UCK2: variants seen among roughly 807,000 people sequenced by gnomAD.
The protein encoded by UCK2 is cytidine monophosphokinase 2.
A neutral mutation model predicts 30.8 loss-of-function variants in UCK2; 6 were observed. The ratio of observed to expected loss-of-function variants is 0.19; its 90% CI spans 0.11 to 0.38. UCK2 has a LOEUF of 0.38. UCK2 is among the 10% of genes least tolerant of loss of function. UCK2 has a pLI of 1.00. For missense variants in UCK2, 210 were observed against 339.8 expected, an observed-to-expected ratio of 0.62 and a Z score of 3.00; for synonymous variants, 125 against 133.6, an observed-to-expected ratio of 0.94 and a Z score of 0.45.
chr1:165,878,151 C>T (rs960733402), intron 1 of UCK2, among the ~76,000 whole-genome samples: 1 of 152,156 alleles, frequency 6.6e-6, no homozygotes, highest in African/African-American at 2.4e-5. Flanking sequence ...CCTGCCTTTC[C>T]CCTAACCCCT....
intron 1 of UCK2, among the ~76,000 whole-genome samples, chr1:165,834,163 G>A (rs926555910): frequency 1.3e-5 from 2 of 152,124 alleles, no homozygotes; most frequent in Non-Finnish European, 2.9e-5. Context: ...TGAAGGTTTT[G>A]TTCTAAGTTT....
chr1:165,880,570 T>G (rs1387506338), intron 1 of UCK2, among the ~76,000 whole-genome samples: 5 of 14,208 alleles, frequency 3.5e-4, no homozygotes, highest in African/African-American at 7.7e-4. Context: ...TTTGGGGGTG[T>G]GTGTGTGTGT....
intron 1 of UCK2, among the ~76,000 whole-genome samples, chr1:165,873,863 C>G (rs1318007152): frequency 6.6e-6 from 1 of 152,164 alleles, no homozygotes; most frequent in Non-Finnish European, 1.5e-5. Flanking sequence ...AGCTTTGGAT[C>G]TCACATCACC....
chr1:165,864,408 A>G (rs1041719292), intron 1 of UCK2, among the ~76,000 whole-genome samples: 6 of 152,096 alleles, frequency 3.9e-5, no homozygotes, highest in African/African-American at 1.4e-4. Flanking sequence ...TGTTTTATTA[A>G]TTATTTTTAT....
intron 1 of UCK2, among the ~76,000 whole-genome samples, chr1:165,842,123 G>A (rs1391257753): frequency 6.6e-6 from 1 of 152,108 alleles, no homozygotes; most frequent in Non-Finnish European, 1.5e-5. Context: ...TGTCCTCTGG[G>A]AAACTTTTCT....
chr1:165,890,548 C>T (rs1655740174), intron 2 of UCK2, among the ~76,000 whole-genome samples, 185 bp downstream of exon 2: 1 of 152,184 alleles, frequency 6.6e-6, no homozygotes. Flanking sequence ...TCAAATGCTT[C>T]AAGTAGTGCT....
chr1:165,880,404 A>G (rs1655455323), intron 1 of UCK2, among the ~76,000 whole-genome samples: 1 of 152,162 alleles, frequency 6.6e-6, no homozygotes. Flanking sequence ...ACGCTCAAGT[A>G]AAAGGGGAAA....
intron 1 of UCK2, among the ~76,000 whole-genome samples, chr1:165,887,806 G>T (rs1234920227): frequency 6.6e-6 from 1 of 151,686 alleles, no homozygotes; most frequent in African/African-American, 2.4e-5. Flanking sequence ...CACCCAGAGA[G>T]CCTTGGTTTT....
At position 165,897,545 on chromosome 1, in the gene UCK2, A is replaced by C. The variant is rs546460986; in HGVS notation, c.499+1213A>C. Among the ~76,000 whole-genome samples, 25 of 152,342 alleles carry C rather than the reference A, an allele frequency of 1.6e-4. 1 individual carries two copies. Among genetic ancestry groups the C allele is most frequent in the Admixed American group, 1.5e-3 (23 of 15,300 alleles). Reference sequence around the variant, plus strand: ...TTGTGTGACAGAGGCAGGGAGACACAGGAAATGACGAGGTTAGCTCCTAGT... The same window carrying C: ...TTGTGTGACAGAGGCAGGGAGACACCGGAAATGACGAGGTTAGCTCCTAGT... On this transcript the variant is annotated intron_variant, in intron 4 of 6. Transcript: ENST00000367879.
At chr1:165,898,784 A>G (rs1300628943) in intron 4 of UCK2, among the ~76,000 whole-genome samples, 1 of 152,230 alleles carries the variant, frequency 6.6e-6, no homozygotes, top group Non-Finnish European at 1.5e-5. Context: ...AGCAATTCCT[A>G]CAATGGTGCT....
intron 1 of UCK2, among the ~76,000 whole-genome samples, chr1:165,836,357 A>G (rs1476785361): frequency 6.6e-6 from 1 of 152,364 alleles, no homozygotes; most frequent in Admixed American, 6.5e-5. Context: ...TTACTATTTA[A>G]TACTAGAATA....
chr1:165,874,443 T>C (rs1655282617), intron 1 of UCK2, among the ~76,000 whole-genome samples: 1 of 152,206 alleles, frequency 6.6e-6, no homozygotes, highest in South Asian at 2.1e-4. Flanking sequence ...TGCTACCTTT[T>C]GTAAAAAACA....
Position 165,896,483 on chromosome 1 carries a change from A to T in UCK2, c.499+151A>T, listed in dbSNP as rs1463513102. The T allele has an allele frequency of 7.2e-6, 6 of 829,602 alleles. No individual in the cohort carries two copies. The East Asian group carries it at 1.5e-4, about 20-fold the overall frequency. 51.4% of individuals were successfully genotyped at this position (829,602 alleles called of 1,614,324 possible). ...TCGCATGGTCCAGCCCGGCTGCGTC[A>T]GTCCAGCCCCAGGATATCCTGCTGC... On this transcript the variant is annotated intron_variant, in intron 4 of 6. Coordinates refer to ENST00000367879, the MANE Select transcript of UCK2 (RefSeq NM_012474.5).
At chr1:165,837,159 TCAA>T (rs1326926496) in intron 1 of UCK2, among the ~76,000 whole-genome samples, 6 of 152,202 alleles carry the variant, frequency 3.9e-5, no homozygotes, top group African/African-American at 1.4e-4. Flanking sequence ...ACATTGGGCA[TCAA>T]GTTTTCAACA....
At chr1:165,890,410 G>A in intron 2 of UCK2, 47 bp downstream of exon 2, 1 of 1,457,898 alleles carries the variant, frequency 6.9e-7, no homozygotes, top group Non-Finnish European at 9.6e-7. Context: ...GGTGTGTTGG[G>A]GGGAATAGTT....
intron 4 of UCK2, chr1:165,900,358 A>C (rs10918305): frequency 6.6e-6 from 1 of 152,226 alleles, no homozygotes; most frequent in African/African-American, 2.4e-5. Context: ...TAGTAACTGT[A>C]TGAGGAAGGT....
chr1:165,827,829 G>A lies in UCK2; in HGVS notation c.-5G>A. The A allele has an allele frequency of 1.4e-6, 2 of 1,432,634 alleles. No homozygotes were observed. Among genetic ancestry groups the A allele is most frequent in the South Asian group, 3.1e-5 (2 of 65,170 alleles). The allele number at this position is 1,432,634 out of a possible 1,614,324, so 88.7% of individuals were successfully genotyped here. A position where few individuals can be genotyped will look rare whatever the true frequency, so the allele number is the denominator to read the frequency against. On this transcript the variant is annotated 5_prime_UTR_variant, in exon 1 of 7. Transcript: ENST00000367879. ...CAGGCAGCGGGAGGAGGGGCGGCGC[G>A]AACCATGGCCGGGGACAGCGAGCAG... is the stretch of plus-strand genomic sequence containing the variant.
chr1:165,833,162 G>A (rs1173388922), intron 1 of UCK2, among the ~76,000 whole-genome samples: 4 of 152,162 alleles, frequency 2.6e-5, no homozygotes, highest in South Asian at 2.1e-4. Context: ...GCCAGATCAC[G>A]TATTCCACAC....
At position 165,890,228 on chromosome 1, in the gene UCK2, C is replaced by G. The variant is rs781424513; in HGVS notation, c.124C>G (p.Gln42Glu). 12 of 1,614,010 alleles carry G rather than the reference C, an allele frequency of 7.4e-6. No homozygotes were observed. The highest frequency in any genetic ancestry group is 5.9e-6 in the Non-Finnish European group (7 of 1,180,042). The change falls in exon 2 of 7, where the codon CAG becomes GAG. Residue 42 changes from glutamine to glutamate, a missense_variant. This residue lies in a region of UCK2 where 75 missense variants were observed against 124.7 expected (regional missense o/e 0.60). Transcript: ENST00000367879. Reference protein sequence around the residue: ...GKSSVCAKIVQLLGQNEVDYR... With the variant: ...GKSSVCAKIVELLGQNEVDYR... ...GTCTTCCGTGTGTGCTAAGATCGTG[C>G]AGCTCCTGGGGCAGAATGAGGTGGA...
Sources: gnomAD v4.1 joint callset for allele counts (sites outside exome capture counted in the v4.1 genomes callset) on GRCh38, gnomAD v4.1.1 for gene constraint, gnomAD v4.1.1 regional missense constraint, MANE v1.5 for transcripts, NCBI Gene and HGNC (gene_info 2026-07-23, HGNC 2026-07-21) for gene names.